HHLA2: variants seen among roughly 807,000 people sequenced by gnomAD.
HHLA2 encodes the protein HERV-H LTR-associating protein 2.
A neutral mutation model predicts 45.9 loss-of-function variants in HHLA2; 48 were observed. The observed-to-expected ratio is 1.05, with a 90% confidence interval of 0.83 to 1.33. The LOEUF (loss-of-function observed/expected upper bound fraction) is 1.33, where lower values mean the gene tolerates loss of function less well. HHLA2 is among the 40% of genes most tolerant of loss of function. The probability of loss-of-function intolerance (pLI) is 0.00; values close to 1 mark genes in which losing one functional copy is unlikely to be tolerated. For synonymous variants in HHLA2, 161 were observed against 173.9 expected (o/e 0.93, Z 0.59); for missense variants, 462 against 494.3 (o/e 0.93, Z 0.62).
At chr3:108,299,956 G>C (rs1212692752) in intron 1 of HHLA2, among the ~76,000 whole-genome samples, 4 of 152,272 alleles carry the variant, frequency 2.6e-5, no homozygotes, top group African/African-American at 9.6e-5. Context: ...TCAGATTCCA[G>C]TGTGGCGAGA....
In HHLA2 at chr3:108,364,360, A is replaced by G. The variant is rs139291823; in HGVS notation, c.1108+1914A>G. The stretch of plus-strand genomic sequence containing the variant: ...ATGACTGCATAGTATTCCATGGTGT[A>G]TATGTGCCACATTTTCTTTATCCAG... On this transcript the variant is annotated intron_variant, in intron 8 of 10. Coordinates refer to ENST00000619531, the Ensembl canonical transcript of HHLA2. Among the ~76,000 whole-genome samples, 59 of 152,326 alleles carry G rather than the reference A, an allele frequency of 3.9e-4. No homozygotes were observed. The East Asian group carries it at 0.011, about 28-fold the overall frequency.
intron 10 of HHLA2, 23 bp from the exon 10 acceptor site, chr3:108,377,235 G>C: frequency 2.1e-6 from 3 of 1,453,744 alleles, no homozygotes; most frequent in Non-Finnish European, 2.9e-6. Flanking sequence ...CAGACATTTA[G>C]AGTCTATTTT....
intron 3 of HHLA2, among the ~76,000 whole-genome samples, chr3:108,347,353 C>G (rs932445515): frequency 2.0e-5 from 3 of 152,094 alleles, no homozygotes; most frequent in African/African-American, 7.2e-5. Context: ...AAATAGTCCT[C>G]AGAGACTCAA....
chr3:108,334,054 T>C (rs1486695489), intron 3 of HHLA2, among the ~76,000 whole-genome samples: 1 of 152,186 alleles, frequency 6.6e-6, no homozygotes, highest in Non-Finnish European at 1.5e-5. Flanking sequence ...CTGTTCTTCA[T>C]AGGCCAAGAC....
At chr3:108,345,216 G>C (rs568806714) in intron 3 of HHLA2, among the ~76,000 whole-genome samples, 1 of 152,330 alleles carries the variant, frequency 6.6e-6, no homozygotes, top group East Asian at 1.9e-4. Context: ...GGAGCTCTGG[G>C]CTACAGGATG....
chr3:108,369,302 C>T (rs541875225), intron 8 of HHLA2, among the ~76,000 whole-genome samples: 1 of 152,204 alleles, frequency 6.6e-6, no homozygotes, highest in South Asian at 2.1e-4. Context: ...CCTAACATCA[C>T]AATGAAAAAA....
chr3:108,352,447 A>G (rs2081797477), intron 4 of HHLA2, among the ~76,000 whole-genome samples: 1 of 152,212 alleles, frequency 6.6e-6, no homozygotes, highest in Non-Finnish European at 1.5e-5. Flanking sequence ...AGACTGTGAC[A>G]GAGCCACTTG....
chr3:108,357,979 A>C, exon 7 of HHLA2: 2 of 1,613,806 alleles, frequency 1.2e-6, no homozygotes, highest in Non-Finnish European at 1.7e-6. Context: ...CTGGCTTACT[A>C]TCTGAGCTCC....
intron 1 of HHLA2, among the ~76,000 whole-genome samples, chr3:108,298,284 G>T (rs1389439278): frequency 6.6e-6 from 1 of 152,112 alleles, no homozygotes; most frequent in East Asian, 1.9e-4. Context: ...AAGAAAATGA[G>T]GATCCAAGTC....
chr3:108,332,978 A>C (rs1306845019), intron 3 of HHLA2, among the ~76,000 whole-genome samples: 1 of 152,224 alleles, frequency 6.6e-6, no homozygotes, highest in Non-Finnish European at 1.5e-5. Flanking sequence ...AGACACCTAT[A>C]GAAAGGTAAT....
chr3:108,373,126 C>T (rs1172175532), intron 8 of HHLA2, among the ~76,000 whole-genome samples: 2 of 152,200 alleles, frequency 1.3e-5, no homozygotes, highest in Non-Finnish European at 2.9e-5. Context: ...AAAAGCTTAT[C>T]CACCATGATC....
intron 2 of HHLA2, chr3:108,325,985 T>TCATG: frequency 2.9e-6 from 1 of 344,464 alleles, no homozygotes. Context: ...ATCCAGGGAG[T>TCATG]CATGGTCATC....
At chr3:108,354,460 A>C (rs1261415113) in intron 5 of HHLA2, among the ~76,000 whole-genome samples, 1 of 151,976 alleles carries the variant, frequency 6.6e-6, no homozygotes, top group African/African-American at 2.4e-5. Context: ...AAACTGAAGA[A>C]ATTCAAAGAG....
chr3:108,371,468 T>C lies in HHLA2; in HGVS notation c.1109-4282T>C, dbSNP rs1000537733. Among the ~76,000 whole-genome samples, 86 of 152,186 alleles carry C rather than the reference T, an allele frequency of 5.7e-4. 1 individual carries two copies. Among genetic ancestry groups the C allele is most frequent in the Non-Finnish European group, 2.6e-4 (18 of 67,976 alleles). Reference sequence around the variant, plus strand: ...TCATAATGACAGGATCAAATTCACATATAACAATATTAACCTTAAATGTAA... The same window carrying C: ...TCATAATGACAGGATCAAATTCACACATAACAATATTAACCTTAAATGTAA... On this transcript the variant is annotated intron_variant, in intron 8 of 10. Coordinates refer to ENST00000619531, the Ensembl canonical transcript of HHLA2.
At chr3:108,367,396 T>G (rs9874333) in intron 8 of HHLA2, among the ~76,000 whole-genome samples, 1,548 of 152,064 alleles carry the variant, frequency 0.01, 22 homozygotes, top group African/African-American at 0.035. Flanking sequence ...AGGTGGGTAA[T>G]AACAAACTCC....
intron 4 of HHLA2, among the ~76,000 whole-genome samples, chr3:108,352,768 G>T (rs1256463938): frequency 6.6e-6 from 1 of 152,200 alleles, no homozygotes; most frequent in Non-Finnish European, 1.5e-5. Context: ...TGGGGATTAG[G>T]CTTCCAGATT....
chr3:108,370,636 C>T (rs2082153094), intron 8 of HHLA2, among the ~76,000 whole-genome samples: 1 of 152,180 alleles, frequency 6.6e-6, no homozygotes, highest in African/African-American at 2.4e-5. Flanking sequence ...CCTTAAAGGA[C>T]CCGATGGAGC....
intron 8 of HHLA2, among the ~76,000 whole-genome samples, chr3:108,372,964 C>T (rs2082206479): frequency 6.8e-6 from 1 of 146,654 alleles, no homozygotes; most frequent in East Asian, 1.9e-4. Flanking sequence ...AGGGAATCCT[C>T]CCTAACTCAT....
intron 3 of HHLA2, chr3:108,328,480 G>T: frequency 1.6e-6 from 1 of 622,088 alleles, no homozygotes. Flanking sequence ...CAGTGATTTG[G>T]AGGTGAATAT....
Sources: allele counts gnomAD v4.1 joint callset (sites outside exome capture counted in the v4.1 genomes callset), GRCh38; gene constraint gnomAD v4.1.1; transcripts MANE v1.5; gene names NCBI Gene and HGNC (gene_info 2026-07-23, HGNC 2026-07-21).